Variants in PCDH9 observed in about 807,000 individuals in gnomAD.
PCDH9 encodes the protein protocadherin-9.
In PCDH9, 24 loss-of-function variants were observed where a neutral mutation model predicts 70.6. The observed-to-expected ratio is 0.34, with a 90% CI of 0.25 to 0.48. PCDH9 has a LOEUF of 0.48. Among genes scored for constraint, PCDH9 ranks in the 20% least tolerant of loss-of-function variants. The pLI, the probability that PCDH9 is intolerant of heterozygous loss-of-function variation, is 0.99. For synonymous variants in PCDH9, 562 were observed against 558.5 expected, an observed-to-expected ratio of 1.01 and a Z score of -0.09; for missense variants, 1,281 against 1,503.6, an observed-to-expected ratio of 0.85 and a Z score of 2.45.
chr13:66,631,735 A>C (rs778472602), intron 3 of PCDH9, among the ~76,000 whole-genome samples: 6 of 152,236 alleles, frequency 3.9e-5, no homozygotes, highest in Non-Finnish European at 8.8e-5. Context: ...AAAATTAAAT[A>C]AGATGAAATA....
intron 4 of PCDH9, among the ~76,000 whole-genome samples, chr13:66,387,594 C>T (rs1368894802): frequency 1.3e-5 from 2 of 151,240 alleles, no homozygotes; most frequent in African/African-American, 4.9e-5. Context: ...TCCGTCTCAT[C>T]CTTCCTTCCT....
At chr13:66,845,994 A>G (rs1362563209) in intron 3 of PCDH9, among the ~76,000 whole-genome samples, 1 of 152,174 alleles carries the variant, frequency 6.6e-6, no homozygotes, top group Non-Finnish European at 1.5e-5. Flanking sequence ...GGGGATCAGT[A>G]CAATGATAGC....
At chr13:66,694,033 A>T (rs2078524305) in intron 3 of PCDH9, among the ~76,000 whole-genome samples, 1 of 152,250 alleles carries the variant, frequency 6.6e-6, no homozygotes, top group Admixed American at 6.5e-5. Flanking sequence ...ATACTCCCAT[A>T]GGGATATCCC....
intron 3 of PCDH9, among the ~76,000 whole-genome samples, chr13:66,737,112 G>A (rs2079161501): frequency 6.6e-6 from 1 of 152,174 alleles, no homozygotes; most frequent in African/African-American, 2.4e-5. Context: ...ATGCAAGTGA[G>A]AAGATGTAAT....
At chr13:66,345,772 G>A (rs1304774204) in intron 4 of PCDH9, among the ~76,000 whole-genome samples, 5 of 152,086 alleles carry the variant, frequency 3.3e-5, no homozygotes, top group South Asian at 2.1e-4. Context: ...GTCTTGAAGC[G>A]TACCCTGCGT....
At chr13:66,598,887 T>G (rs1215605527) in intron 4 of PCDH9, among the ~76,000 whole-genome samples, 3 of 151,922 alleles carry the variant, frequency 2.0e-5, no homozygotes, top group Non-Finnish European at 4.4e-5. Flanking sequence ...GAAATAGCTT[T>G]GATTAGTACA....
chr13:66,713,078 A>G (rs751207998), intron 3 of PCDH9, among the ~76,000 whole-genome samples: 18 of 152,136 alleles, frequency 1.2e-4, no homozygotes, highest in Non-Finnish European at 2.1e-4. Context: ...TGGCACATTA[A>G]TTTTTTAGGC....
chr13:66,716,381 A>G (rs911841617), intron 3 of PCDH9, among the ~76,000 whole-genome samples: 1 of 152,228 alleles, frequency 6.6e-6, no homozygotes, highest in African/African-American at 2.4e-5. Flanking sequence ...CTAATTTGCA[A>G]TAAGAAGTGT....
chr13:66,577,638 C>A (rs932654248), intron 4 of PCDH9, among the ~76,000 whole-genome samples: 28 of 151,998 alleles, frequency 1.8e-4, no homozygotes, highest in African/African-American at 6.0e-4. Context: ...CTCCCCGCCC[C>A]CCTAACACAC....
intron 3 of PCDH9, among the ~76,000 whole-genome samples, chr13:66,781,705 T>C (rs2080001136): frequency 6.6e-6 from 1 of 152,178 alleles, no homozygotes; most frequent in South Asian, 2.1e-4. Context: ...TATAAATTCA[T>C]GTATTTTAAA....
intron 2 of PCDH9, among the ~76,000 whole-genome samples, chr13:67,097,303 T>C (rs1273498150): frequency 6.6e-6 from 1 of 151,954 alleles, no homozygotes; most frequent in Non-Finnish European, 1.5e-5. Context: ...AAAATATAAA[T>C]GTAAGTTTAA....
At chr13:66,356,811 G>T (rs1414249373) in intron 4 of PCDH9, among the ~76,000 whole-genome samples, 2 of 151,926 alleles carry the variant, frequency 1.3e-5, no homozygotes, top group African/African-American at 4.8e-5. Flanking sequence ...CTTTTTGCAT[G>T]AATTAATATC....
chr13:66,394,255 G>T (rs527802501), intron 4 of PCDH9, among the ~76,000 whole-genome samples: 47 of 152,222 alleles, frequency 3.1e-4, no homozygotes, highest in African/African-American at 1.1e-3. Context: ...GTCTTCTTGA[G>T]TAGAATATAA....
chr13:66,542,643 T>C (rs1257287297), intron 4 of PCDH9, among the ~76,000 whole-genome samples: 2 of 148,898 alleles, frequency 1.3e-5, no homozygotes, highest in Non-Finnish European at 3.0e-5. Context: ...ATGTGTGTGT[T>C]TTTAAACATT....
In PCDH9 at chr13:66,721,526, C is replaced by T. The variant is rs991402504; in HGVS notation, c.3139-90115G>A. Among the ~76,000 whole-genome samples, 6 of 152,052 alleles carry T rather than the reference C, an allele frequency of 3.9e-5. No individual in the cohort carries two copies. The South Asian group carries it at 1.0e-3, about 26-fold the overall frequency. On this transcript the variant is annotated intron_variant, in intron 3 of 4. Coordinates refer to ENST00000377865, the MANE Select transcript of PCDH9 (RefSeq NM_203487.3). Reference sequence around the variant, plus strand: ...CTTTCTGAGTATATTTATGTCTGAGCGTGGATATTTTAGTGTTTTTTTTTC... The same window carrying T: ...CTTTCTGAGTATATTTATGTCTGAGTGTGGATATTTTAGTGTTTTTTTTTC...
At position 66,884,849 on chromosome 13, in the gene PCDH9, A is replaced by T. The variant is rs538171360; in HGVS notation, c.3138+18655T>A. On this transcript the variant is annotated intron_variant, in intron 3 of 4. Coordinates refer to ENST00000377865, the MANE Select transcript of PCDH9 (RefSeq NM_203487.3). The stretch of plus-strand genomic sequence containing the variant: ...TACGATAAATTTAGGGAACTACAAA[A>T]AAATGACAAGTTACATTCTATGTCT... 9.2e-5 allele frequency among the ~76,000 whole-genome samples: 14 copies of T among 152,322 alleles called. No homozygotes were observed. In the East Asian group the frequency reaches 2.7e-3, roughly 29 times the overall value.
intron 3 of PCDH9, among the ~76,000 whole-genome samples, chr13:66,793,842 T>C (rs1316241766): frequency 6.6e-6 from 1 of 152,208 alleles, no homozygotes; most frequent in African/African-American, 2.4e-5. Context: ...AGATTAAATG[T>C]TATTAGCTTT....
At chr13:66,317,317 A>G (rs1955671809) in intron 4 of PCDH9, among the ~76,000 whole-genome samples, 1 of 152,222 alleles carries the variant, frequency 6.6e-6, no homozygotes, top group African/African-American at 2.4e-5. Context: ...AAAATAGTGA[A>G]TAACAGGAAC....
chr13:66,540,103 TG>T (rs1467998564), intron 4 of PCDH9, among the ~76,000 whole-genome samples: 1 of 151,974 alleles, frequency 6.6e-6, no homozygotes, highest in African/African-American at 2.4e-5. Flanking sequence ...CTTGAACTCC[TG>T]GGCTCAAGAA....
Sources: allele counts gnomAD v4.1 joint callset (sites outside exome capture counted in the v4.1 genomes callset), GRCh38; gene constraint gnomAD v4.1.1; transcripts MANE v1.5; gene names NCBI Gene and HGNC (gene_info 2026-07-23, HGNC 2026-07-21).